Variants in PPFIA4 observed in about 807,000 individuals in gnomAD.
PPFIA4 encodes the protein liprin-alpha-4.
Under a neutral mutation model 145.7 loss-of-function variants are expected in PPFIA4, and 98 were observed. The ratio of observed to expected loss-of-function variants is 0.67; its 90% CI spans 0.57 to 0.80. The LOEUF is 0.80. Among genes scored for constraint, PPFIA4 ranks in the 30% least tolerant of loss-of-function variants. The pLI, the probability that PPFIA4 is intolerant of heterozygous loss-of-function variation, is 0.00. For synonymous variants in PPFIA4, 628 were observed against 649.6 expected (o/e 0.97, Z 0.51); for missense variants, 1,457 against 1,632.7 (o/e 0.89, Z 1.85).
intron 9 of PPFIA4, among the ~76,000 whole-genome samples, chr1:203,047,755 T>G (rs1163948888): frequency 3.3e-5 from 5 of 152,196 alleles, no homozygotes; most frequent in African/African-American, 1.2e-4. Flanking sequence ...ACCCACATTT[T>G]ACAGTTGTGG....
At chr1:203,034,898 A>G in intron 1 of PPFIA4, 1 of 351,644 alleles carries the variant, frequency 2.8e-6, no homozygotes, top group Non-Finnish European at 5.7e-6. Context: ...CTGGTTCTTC[A>G]TTTCACTAGC....
At position 203,071,978 on chromosome 1, in the gene PPFIA4, A is replaced by C. The variant is rs143631417; in HGVS notation, c.3393+218A>C. Among the ~76,000 whole-genome samples the C allele has an allele frequency of 1.9e-3, 291 of 151,268 alleles. 6 individuals carry two copies. Among genetic ancestry groups the C allele is most frequent in the African/African-American group, 6.7e-3 (277 of 41,150 alleles). ...TAGGCTGTCGAGAAGTCTCTGTGAA[A>C]CTCCTGTGCAAAAGCTGAAGGCCCA... is the stretch of plus-strand genomic sequence containing the variant. On this transcript the variant is annotated intron_variant, in intron 28 of 29. Transcript: ENST00000295706.
chr1:203,038,947 G>A lies in PPFIA4; in HGVS notation c.-62G>A, dbSNP rs1451637173. 11 of 894,344 alleles carry A rather than the reference G, an allele frequency of 1.2e-5. No individual in the cohort carries two copies. The highest frequency in any genetic ancestry group is 3.4e-5 in the African/African-American group (2 of 58,746). 55.4% of individuals were successfully genotyped at this position (894,344 alleles called of 1,614,324 possible). Reference sequence around the variant, plus strand: ...ACCCATGCACTGGGTTCCCCTGGAGGTGCCAACCCTGTGAGTCCCTCCCTG... The same window carrying A: ...ACCCATGCACTGGGTTCCCCTGGAGATGCCAACCCTGTGAGTCCCTCCCTG... On this transcript the variant is annotated 5_prime_UTR_variant, in exon 2 of 30. It adds an upstream start codon to the 5' untranslated region. Transcript: ENST00000295706.
intron 12 of PPFIA4, 121 bp from the exon 13 acceptor site, chr1:203,049,555 A>C (rs902659625): frequency 1.2e-6 from 1 of 858,868 alleles, no homozygotes. Flanking sequence ...TGGACTTTGC[A>C]GTACATTCTT....
intron 29 of PPFIA4, chr1:203,076,076 G>A: frequency 1.7e-6 from 1 of 593,776 alleles, no homozygotes. Context: ...CGTGGCTCGG[G>A]GTAAGTGGGC....
At chr1:203,064,809 C>A (rs899374317) in intron 25 of PPFIA4, among the ~76,000 whole-genome samples, 1 of 152,230 alleles carries the variant, frequency 6.6e-6, no homozygotes, top group African/African-American at 2.4e-5. Context: ...TCCCAGCCCC[C>A]CAGCCTGCTT....
chr1:203,051,901 C>A, intron 14 of PPFIA4, 24 bp downstream of exon 14: 1 of 1,608,914 alleles, frequency 6.2e-7, no homozygotes, highest in South Asian at 1.1e-5. Context: ...GGGATCTCCT[C>A]AGGGAGTTTG....
rs114301982 is a variant in PPFIA4 at position 203,074,385 on chromosome 1, G to T, written c.3394-1192G>T. On this transcript the variant is annotated intron_variant, in intron 28 of 29. Transcript: ENST00000295706. ...ATTTGTATATCTAAACATAGAAAAG[G>T]GACAGTAAAAGTATTATAATCTTAT... Among the ~76,000 whole-genome samples, 798 of 151,984 alleles carry T rather than the reference G, an allele frequency of 5.3e-3. 11 individuals are homozygous for T. The highest frequency in any genetic ancestry group is 0.018 in the African/African-American group (751 of 41,426).
At position 203,055,815 on chromosome 1, in the gene PPFIA4, C is replaced by T. The variant is rs1660897783; in HGVS notation, c.2070+143C>T. On this transcript the variant is annotated intron_variant, in intron 16 of 29. Transcript: ENST00000295706. This position sits in a 1 kb window ranked among gnomAD's most constrained non-coding sequence, Gnocchi z 4.8. Reference sequence around the variant, plus strand: ...GTGCAGACCCCGACATGTCAGGCCACCAGCCTGTCCTTCTGGGTTTGGGAA... The same window carrying T: ...GTGCAGACCCCGACATGTCAGGCCATCAGCCTGTCCTTCTGGGTTTGGGAA... 1 of 1,318,238 alleles carries T rather than the reference C, an allele frequency of 7.6e-7. No individual in the cohort carries two copies. The highest frequency in any genetic ancestry group is 2.4e-5 in the East Asian group (1 of 42,210). 81.7% of individuals were successfully genotyped at this position (1,318,238 alleles called of 1,614,324 possible).
intron 20 of PPFIA4, 73 bp from the exon 21 acceptor site, chr1:203,059,697 C>T (rs544451125): frequency 3.5e-5 from 46 of 1,301,686 alleles, no homozygotes; most frequent in Middle Eastern, 1.8e-4. Context: ...TTGCACAGCC[C>T]AGTGGTCCCT....
chr1:203,051,738 C>G, intron 13 of PPFIA4, 31 bp from the exon 14 acceptor site: 1 of 1,587,170 alleles, frequency 6.3e-7, no homozygotes, highest in South Asian at 1.2e-5. Context: ...TCCTCAGGGC[C>G]TGTCTTTTCT....
chr1:203,059,760 T>G lies in PPFIA4; in HGVS notation c.2502-10T>G, dbSNP rs747520467. On this transcript the variant is annotated splice_polypyrimidine_tract_variant and intron_variant, in intron 20 of 29. Transcript: ENST00000295706. ...AGAACTAGTGAGTCTGTTGTTCCTC[T>G]TCCTATAAGACACCAGCTGCTTGAA... is the stretch of plus-strand genomic sequence containing the variant. 6.2e-7 allele frequency: 1 copy of G among 1,611,690 alleles called. No individual in the cohort carries two copies.
chr1:203,035,429 C>T (rs2102614219), intron 1 of PPFIA4: 1 of 424,528 alleles, frequency 2.4e-6, no homozygotes, highest in Non-Finnish European at 4.8e-6. Flanking sequence ...TTTTGGGATG[C>T]CAAAGAGGCC....
At chr1:203,074,063 G>C (rs558372153) in intron 28 of PPFIA4, among the ~76,000 whole-genome samples, 1 of 152,164 alleles carries the variant, frequency 6.6e-6, no homozygotes, top group African/African-American at 2.4e-5. Context: ...GAATTTGAGA[G>C]AAAGAGCGAG....
chr1:203,055,786 G>T lies in PPFIA4; in HGVS notation c.2070+114G>T. The T allele has an allele frequency of 6.7e-7, 1 of 1,498,722 alleles. No individual in the cohort carries two copies. Among genetic ancestry groups the T allele is most frequent in the Non-Finnish European group, 9.1e-7 (1 of 1,102,552 alleles). The allele number at this position is 1,498,722 out of a possible 1,614,324, so 92.8% of individuals were successfully genotyped here. ...CTGGGCCTGCCATCTTCTTCCCATG[G>T]TGTGTGCAGACCCCGACATGTCAGG... On this transcript the variant is annotated intron_variant, in intron 16 of 29. Transcript: ENST00000295706. The surrounding 1 kb of genome is among the most constrained non-coding windows in gnomAD (Gnocchi z 4.8).
At chr1:203,053,590 A>G in intron 14 of PPFIA4, 163 bp from the exon 15 acceptor site, 1 of 631,958 alleles carries the variant, frequency 1.6e-6, no homozygotes, top group East Asian at 2.8e-5. Flanking sequence ...TCTTGTTAAA[A>G]TGCAGATGTT....
Position 203,053,060 on chromosome 1 carries a change from T to G in PPFIA4, c.1621-693T>G, listed in dbSNP as rs148946480. Among the ~76,000 whole-genome samples the G allele has an allele frequency of 2.0e-3, 298 of 152,358 alleles. 6 individuals carry two copies. The highest frequency in any genetic ancestry group is 6.8e-3 in the African/African-American group (283 of 41,584). Reference sequence around the variant, plus strand: ...TCCTCACAGCTATCTATGAGGTAAGTACTTTACCATCCCTATTTTACAGAT... The same window carrying G: ...TCCTCACAGCTATCTATGAGGTAAGGACTTTACCATCCCTATTTTACAGAT... On this transcript the variant is annotated intron_variant, in intron 14 of 29. Coordinates refer to ENST00000295706, the MANE Select transcript of PPFIA4 (RefSeq NM_001304331.2).
At chr1:203,071,373 G>C (rs1379705063) in intron 27 of PPFIA4, among the ~76,000 whole-genome samples, 1 of 150,894 alleles carries the variant, frequency 6.6e-6, no homozygotes, top group African/African-American at 2.4e-5. Flanking sequence ...GGGTTTCACT[G>C]TGTTAGTCAG....
At chr1:203,046,704 T>G (rs1660114231) in intron 9 of PPFIA4, among the ~76,000 whole-genome samples, 1 of 151,560 alleles carries the variant, frequency 6.6e-6, no homozygotes, top group Non-Finnish European at 1.5e-5. Flanking sequence ...TGGTGAACAC[T>G]TTCTTTCACT....
Sources: allele counts gnomAD v4.1 joint callset (sites outside exome capture counted in the v4.1 genomes callset), GRCh38; gene constraint gnomAD v4.1.1; non-coding constraint Gnocchi (gnomAD v3.1); transcripts MANE v1.5; gene names NCBI Gene and HGNC (gene_info 2026-07-23, HGNC 2026-07-21).